ZNF140: variants seen among roughly 807,000 people sequenced by gnomAD.
ZNF140 encodes zinc finger protein 140, also known as zinc finger protein 140 (clone pHZ-39).
In ZNF140, 13 loss-of-function variants were observed where a neutral mutation model predicts 12.9. The observed-to-expected ratio is 1.01, with a 90% CI of 0.66 to 1.60. The LOEUF (loss-of-function observed/expected upper bound fraction) is 1.60, where lower values mean the gene tolerates loss of function less well. Ranked by LOEUF, ZNF140 falls within the 40% of genes most tolerant of loss-of-function variation. ZNF140 has a pLI of 0.00. For synonymous variants in ZNF140, 214 were observed against 186.7 expected, an observed-to-expected ratio of 1.15 and a Z score of -1.19; for missense variants, 531 against 548.8, an observed-to-expected ratio of 0.97 and a Z score of 0.32.
At chr12:133,091,315 G>A (rs1954881613) in intron 4 of ZNF140, among the ~76,000 whole-genome samples, 1 of 151,086 alleles carries the variant, frequency 6.6e-6, no homozygotes. Context: ...TAAACATTTT[G>A]TTAACAAGGC....
chr12:133,096,027 C>A (rs1051832077), intron 4 of ZNF140, among the ~76,000 whole-genome samples: 13 of 151,068 alleles, frequency 8.6e-5, no homozygotes, highest in African/African-American at 2.9e-4. Context: ...TTTACCAATC[C>A]ACCTCAGCAC....
In ZNF140 at chr12:133,092,277, G is replaced by A. The variant is rs947013001; in HGVS notation, c.232+8716G>A. On this transcript the variant is annotated intron_variant, in intron 4 of 4. Transcript: ENST00000355557. ...ACGGATGGAGAAGCCTCCCACGGTC[G>A]GTCCATGGACACAGGGATCCTCGCA... Among the ~76,000 whole-genome samples, 19 of 150,844 alleles carry A rather than the reference G, an allele frequency of 1.3e-4. No individual in the cohort carries two copies. In the South Asian group the frequency reaches 2.7e-3, roughly 22 times the overall value.
Position 133,106,483 on chromosome 12 carries a change from A to T in ZNF140, c.1206A>T (p.Leu402=). 1 of 1,614,106 alleles carries T rather than the reference A, an allele frequency of 6.2e-7. No individual in the cohort carries two copies. The highest frequency in any genetic ancestry group is 8.5e-7 in the Non-Finnish European group (1 of 1,180,006). The change falls in exon 5 of 5, where the codon CTA becomes CTT. Residue 402 remains leucine, a synonymous_variant. Transcript: ENST00000355557. ...KAFSRSFSLI[L]HQRTHTGEKP... ...TCAGCCGGAGCTTTTCCCTCATTCT[A>T]CATCAGAGAACTCATACTGGAGAGA... is the stretch of plus-strand genomic sequence containing the variant.
chr12:133,089,368 C>T (rs1954781120), intron 4 of ZNF140, among the ~76,000 whole-genome samples: 1 of 152,078 alleles, frequency 6.6e-6, no homozygotes, highest in Non-Finnish European at 1.5e-5. Context: ...TGCGCTCCAC[C>T]ATGCCCAGCT....
At chr12:133,084,320 ATATT>A (rs1196317316) in intron 4 of ZNF140, 46 of 315,074 alleles carry the variant, frequency 1.5e-4, no homozygotes, top group African/African-American at 6.5e-4. Context: ...TGATTAATTG[ATATT>A]TATTTATTCC....
chr12:133,090,348 G>T (rs1266005973), intron 4 of ZNF140, among the ~76,000 whole-genome samples: 8 of 151,996 alleles, frequency 5.3e-5, no homozygotes, highest in Non-Finnish European at 1.0e-4. Flanking sequence ...TTGCTATGTT[G>T]TCCAGTCTGG....
chr12:133,104,838 A>T (rs1367333257), intron 4 of ZNF140, among the ~76,000 whole-genome samples: 3 of 152,172 alleles, frequency 2.0e-5, no homozygotes, highest in Non-Finnish European at 2.9e-5. Context: ...AAGGTTACTC[A>T]TGTTACATGA....
chr12:133,083,709 C>T (rs1954576763), intron 4 of ZNF140, 148 bp downstream of exon 4: 3 of 741,656 alleles, frequency 4.0e-6, no homozygotes, highest in African/African-American at 1.8e-5. Flanking sequence ...CCGGTAATCC[C>T]AGCACTTTGG....
intron 4 of ZNF140, 43 bp from the exon 5 acceptor site, chr12:133,105,467 T>G (rs2137589568): frequency 6.6e-7 from 1 of 1,515,638 alleles, no homozygotes; most frequent in African/African-American, 1.4e-5. Context: ...TTTTATTCAA[T>G]ACAGGAAAAA....
chr12:133,106,611 ATT>A lies in ZNF140; in HGVS notation c.1335_1336del (p.Ser446IlefsTer2). 6.2e-7 allele frequency: 1 copy of A among 1,604,960 alleles called. No homozygotes were observed. Among genetic ancestry groups the A allele is most frequent in the East Asian group, 2.2e-5 (1 of 44,844 alleles). On this transcript the variant is annotated frameshift_variant, in exon 5 of 5. Transcript: ENST00000355557. LOFTEE classifies it low-confidence loss of function (END_TRUNC). ...CTTGACAACCCCTATGAATATGAAA[ATT>A]CATTTAATTACCACTCATTCCTTAC...
At chr12:133,090,822 T>C (rs1479514951) in intron 4 of ZNF140, among the ~76,000 whole-genome samples, 13 of 129,468 alleles carry the variant, frequency 1.0e-4, no homozygotes, top group South Asian at 7.4e-4. Flanking sequence ...ATATCATAAT[T>C]AGGTTTAAGG....
At chr12:133,083,287 T>G in intron 3 of ZNF140, 58 bp downstream of exon 3, 1 of 1,571,968 alleles carries the variant, frequency 6.4e-7, no homozygotes. Context: ...GTGGCTGTTA[T>G]AATTATCTGG....
In ZNF140 at chr12:133,095,257, A is replaced by G. The variant is rs1214465896; in HGVS notation, c.233-10253A>G. Among the ~76,000 whole-genome samples, 3 of 150,940 alleles carry G rather than the reference A, an allele frequency of 2.0e-5. 1 individual carries two copies. The highest frequency in any genetic ancestry group is 4.4e-5 in the Non-Finnish European group (3 of 67,808). On this transcript the variant is annotated intron_variant, in intron 4 of 4. Coordinates refer to ENST00000355557, the MANE Select transcript of ZNF140 (RefSeq NM_003440.4). Reference sequence around the variant, plus strand: ...AATTAGATTTTCTGTAGAAGCTTTAACTCCCCCTCTTCTTAAGAGAATTTT... The same window carrying G: ...AATTAGATTTTCTGTAGAAGCTTTAGCTCCCCCTCTTCTTAAGAGAATTTT...
At chr12:133,093,040 G>A (rs2137527900) in intron 4 of ZNF140, among the ~76,000 whole-genome samples, 1 of 151,140 alleles carries the variant, frequency 6.6e-6, no homozygotes, top group East Asian at 1.9e-4. Context: ...TAAATTTACT[G>A]GTGGCATTGA....
chr12:133,092,817 C>A (rs112454488), intron 4 of ZNF140, among the ~76,000 whole-genome samples: 1 of 151,144 alleles, frequency 6.6e-6, no homozygotes, highest in Non-Finnish European at 1.5e-5. Flanking sequence ...GGGGCCCAGT[C>A]TATAATAGTT....
At chr12:133,102,246 C>G (rs1338551680) in intron 4 of ZNF140, among the ~76,000 whole-genome samples, 25 of 152,098 alleles carry the variant, frequency 1.6e-4, no homozygotes, top group Non-Finnish European at 3.5e-4. Context: ...TTCTAAGATC[C>G]TTGTAAGTCA....
At chr12:133,084,057 C>T (rs1483099180) in intron 4 of ZNF140, 2 of 357,514 alleles carry the variant, frequency 5.6e-6, no homozygotes, top group East Asian at 1.8e-4. Context: ...TTCTATATTA[C>T]CTAACAGCTG....
rs1955557978 is a variant in ZNF140 at position 133,105,470 on chromosome 12, A to G, written c.233-40A>G. 7 of 1,522,298 alleles carry G rather than the reference A, an allele frequency of 4.6e-6. No individual in the cohort carries two copies. In the African/African-American group the frequency reaches 5.6e-5, roughly 12 times the overall value. The allele number at this position is 1,522,298 out of a possible 1,614,324, so 94.3% of individuals were successfully genotyped here. A position where few individuals can be genotyped will look rare whatever the true frequency, so the allele number is the denominator to read the frequency against. On this transcript the variant is annotated intron_variant, in intron 4 of 4. Transcript: ENST00000355557. ...GAAATGGCCTTATTTTATTCAATAC[A>G]GGAAAAAGAAACATTCACTTTTTTT...
chr12:133,098,632 T>C (rs1293726753), intron 4 of ZNF140, among the ~76,000 whole-genome samples: 1 of 152,232 alleles, frequency 6.6e-6, no homozygotes, highest in African/African-American at 2.4e-5. Flanking sequence ...TTCTCATTTT[T>C]TCCTCCAGTC....
Sources: allele counts gnomAD v4.1 joint callset (sites outside exome capture counted in the v4.1 genomes callset), GRCh38; gene constraint gnomAD v4.1.1; transcripts MANE v1.5; gene names NCBI Gene and HGNC (gene_info 2026-07-23, HGNC 2026-07-21).